Variants in RASAL2 observed in about 807,000 individuals in gnomAD.
The protein encoded by RASAL2 is ras GTPase-activating protein nGAP.
In RASAL2, 58 loss-of-function variants were observed where a neutral mutation model predicts 128.9. The observed-to-expected ratio is 0.45, with a 90% CI of 0.36 to 0.56. The LOEUF is 0.56. RASAL2 is among the 20% of genes least tolerant of loss of function. RASAL2 has a pLI of 0.00. For synonymous variants in RASAL2, 561 were observed against 580.8 expected, an observed-to-expected ratio of 0.97 and a Z score of 0.49; for missense variants, 1,360 against 1,601.6, an observed-to-expected ratio of 0.85 and a Z score of 2.57.
chr1:178,172,779 A>T (rs1661746572), intron 1 of RASAL2, among the ~76,000 whole-genome samples: 1 of 152,076 alleles, frequency 6.6e-6, no homozygotes, highest in African/African-American at 2.4e-5. Flanking sequence ...AGTATTTCCA[A>T]ATGCAGATTA....
At chr1:178,411,478 A>C (rs1674382168) in intron 4 of RASAL2, 1 of 501,536 alleles carries the variant, frequency 2.0e-6, no homozygotes, top group Non-Finnish European at 3.6e-6. Flanking sequence ...GGTGCCCCAA[A>C]ATCTCACAAA....
At chr1:178,447,498 A>AC (rs1158251861) in intron 9 of RASAL2, among the ~76,000 whole-genome samples, 89 of 151,436 alleles carry the variant, frequency 5.9e-4, no homozygotes, top group African/African-American at 2.1e-3. Context: ...ACATGCTGAA[A>AC]CCCCATCTCT....
At chr1:178,373,274 C>T (rs115379519) in intron 3 of RASAL2, among the ~76,000 whole-genome samples, 16 of 60,050 alleles carry the variant, frequency 2.7e-4, no homozygotes, top group Admixed American at 4.7e-4. Flanking sequence ...TGTTTCTTTC[C>T]TTTTTTTTTT....
chr1:178,194,749 T>G (rs190228903), intron 1 of RASAL2: 29 of 164,252 alleles, frequency 1.8e-4, no homozygotes, highest in African/African-American at 6.4e-4. Context: ...CTTCTCCAAC[T>G]GCTGCACTGC....
At position 178,171,954 on chromosome 1, in the gene RASAL2, A is replaced by T. The variant is rs182765405; in HGVS notation, c.202+77260A>T. On this transcript the variant is annotated intron_variant, in intron 1 of 17. Coordinates refer to ENST00000367649, the MANE Select transcript of RASAL2 (RefSeq NM_170692.4). ...TTCCTGGAGAGCTTTTTCATGCTCT[A>T]TTTCATATGTTGCCTTACCAACGTT... 1.1e-4 allele frequency among the ~76,000 whole-genome samples: 17 copies of T among 152,032 alleles called. No individual in the cohort carries two copies. The East Asian group carries it at 3.3e-3, about 29-fold the overall frequency.
intron 1 of RASAL2, among the ~76,000 whole-genome samples, chr1:178,179,418 T>G (rs749385737): frequency 2.6e-5 from 4 of 152,214 alleles, no homozygotes; most frequent in Admixed American, 6.5e-5. Context: ...AATACTCCTT[T>G]TCTTTACTGG....
chr1:178,415,706 A>G (rs1027846950), intron 4 of RASAL2, among the ~76,000 whole-genome samples: 14 of 152,236 alleles, frequency 9.2e-5, no homozygotes, highest in Admixed American at 9.2e-4. Context: ...TTCTCCTAGC[A>G]ACTCTTACCA....
rs186626968 is a variant in RASAL2 at position 178,161,774 on chromosome 1, T to A, written c.202+67080T>A. ...TCAACACTTCTTATCATTTTTTTTT[T>A]ATTATAGCCTTCCTAGTGGGTGTGA... On this transcript the variant is annotated intron_variant, in intron 1 of 17. Transcript: ENST00000367649. 8.5e-4 allele frequency among the ~76,000 whole-genome samples: 129 copies of A among 152,142 alleles called. 2 individuals carry two copies. The East Asian group carries it at 0.016, about 19-fold the overall frequency.
chr1:178,411,884 G>A, intron 4 of RASAL2: 3 of 710,276 alleles, frequency 4.2e-6, no homozygotes, highest in East Asian at 2.5e-5. Context: ...AAGACCCCTG[G>A]ACCTGGGGCC....
chr1:178,412,308 A>G (rs967465229), intron 4 of RASAL2, among the ~76,000 whole-genome samples: 6 of 152,216 alleles, frequency 3.9e-5, no homozygotes, highest in African/African-American at 1.4e-4. Flanking sequence ...ACCTTAAAAA[A>G]TATGCATTTA....
chr1:178,334,343 CT>C (rs759305300), intron 3 of RASAL2, among the ~76,000 whole-genome samples: 112 of 142,422 alleles, frequency 7.9e-4, no homozygotes, highest in Non-Finnish European at 7.9e-4. Flanking sequence ...ACTTTTTTTT[CT>C]TTTTTTTTTT....
intron 1 of RASAL2, among the ~76,000 whole-genome samples, chr1:178,203,123 A>G (rs1174894923): frequency 6.6e-6 from 1 of 152,170 alleles, no homozygotes; most frequent in Non-Finnish European, 1.5e-5. Flanking sequence ...CTTACTCTGG[A>G]TAGGGGCTTG....
intron 9 of RASAL2, among the ~76,000 whole-genome samples, chr1:178,450,223 T>G (rs1677280422): frequency 1.3e-5 from 2 of 152,154 alleles, no homozygotes; most frequent in African/African-American, 4.8e-5. Flanking sequence ...AAGAGCCAGG[T>G]ACCATATTAG....
rs566556302 is a variant in RASAL2, at chr1:178,148,848, G to A, written c.202+54154G>A. Reference sequence around the variant, plus strand: ...TGAATATCAATATGTAAATACATGGGTTTATTTAGATAATCTTGGAGATTC... The same window carrying A: ...TGAATATCAATATGTAAATACATGGATTTATTTAGATAATCTTGGAGATTC... On this transcript the variant is annotated intron_variant, in intron 1 of 17. Transcript: ENST00000367649. Among the ~76,000 whole-genome samples, 3 of 152,012 alleles carry A rather than the reference G, an allele frequency of 2.0e-5. No homozygotes were observed. In the South Asian group the frequency reaches 6.3e-4, roughly 32 times the overall value.
intron 12 of RASAL2, chr1:178,456,463 A>C: frequency 1.8e-6 from 1 of 547,236 alleles, no homozygotes; most frequent in South Asian, 2.3e-5. Context: ...TTTAATTTTT[A>C]CTTGCATAAT....
rs572787754 is a variant in RASAL2, at chr1:178,253,753, A to G, written c.203-29811A>G. On this transcript the variant is annotated intron_variant, in intron 1 of 17. Transcript: ENST00000367649. ...CCAGGGAAAGGAATTTCACAAGGTA[A>G]TGTCATCAGTTAAGGCAAGGACCTT... is the stretch of plus-strand genomic sequence containing the variant. Among the ~76,000 whole-genome samples the G allele has an allele frequency of 4.9e-4, 74 of 152,246 alleles. 1 individual carries two copies. Among genetic ancestry groups the G allele is most frequent in the African/African-American group, 1.6e-3 (66 of 41,534 alleles).
At chr1:178,143,626 T>C (rs1034469047) in intron 1 of RASAL2, among the ~76,000 whole-genome samples, 1 of 152,148 alleles carries the variant, frequency 6.6e-6, no homozygotes, top group African/African-American at 2.4e-5. Flanking sequence ...GTTCTACATA[T>C]GCATCAGTGT....
At chr1:178,470,037 A>G (rs1270983856) in intron 17 of RASAL2, among the ~76,000 whole-genome samples, 2 of 152,260 alleles carry the variant, frequency 1.3e-5, no homozygotes, top group African/African-American at 4.8e-5. Flanking sequence ...TTACTGATAC[A>G]TTAAAATCTT....
chr1:178,364,045 G>A (rs1470724377), intron 3 of RASAL2, among the ~76,000 whole-genome samples: 2 of 151,024 alleles, frequency 1.3e-5, no homozygotes, highest in Middle Eastern at 3.4e-3. Context: ...GCAGTGAGCC[G>A]AGATCGCGCC....
Sources: allele counts gnomAD v4.1 joint callset (sites outside exome capture counted in the v4.1 genomes callset), GRCh38; gene constraint gnomAD v4.1.1; transcripts MANE v1.5; gene names NCBI Gene and HGNC (gene_info 2026-07-23, HGNC 2026-07-21).